The following ACSM1 variants were observed in gnomAD, a reference collection of about 807,000 sequenced individuals.
ACSM1 encodes acyl-coenzyme A synthetase ACSM1, mitochondrial.
ACSM1 carries 79 observed loss-of-function variants against 75.8 expected under a neutral mutation model. The ratio of observed to expected loss-of-function variants is 1.04; its 90% CI spans 0.87 to 1.26. ACSM1 has a LOEUF of 1.26. Ranked by LOEUF, ACSM1 falls within the 50% of genes most tolerant of loss-of-function variation. The pLI is 0.00. For synonymous variants in ACSM1, 279 were observed against 265.8 expected, an observed-to-expected ratio of 1.05 and a Z score of -0.48; for missense variants, 676 against 720.1, an observed-to-expected ratio of 0.94 and a Z score of 0.70.
chr16:20,662,177 G>A (rs928718976), intron 6 of ACSM1, among the ~76,000 whole-genome samples: 4 of 152,144 alleles, frequency 2.6e-5, no homozygotes, highest in Non-Finnish European at 4.4e-5. Flanking sequence ...AAGTACAAAA[G>A]TTCTGTAGGA....
Position 20,623,529 on chromosome 16 carries a change from A to G in ACSM1, c.1691T>C (p.Ile564Thr), listed in dbSNP as rs142695037. The G allele has an allele frequency of 4.2e-5, 67 of 1,614,026 alleles. No individual in the cohort carries two copies. In the African/African-American group the frequency reaches 4.9e-4, roughly 12 times the overall value. ...CTTTTTCCGAAGTTCCTTCCGTTCA[A>G]TCTTGCCAGTGATGGTTTTTGGCAG... Reference protein sequence around the residue: ...SELPKTITGKIERKELRKKET... With the variant: ...SELPKTITGKTERKELRKKET... Residue 564 changes from isoleucine to threonine, a missense_variant, in exon 14 of 14, where the codon ATT (isoleucine) becomes ACT (threonine). Coordinates refer to ENST00000520010, the MANE Select transcript of ACSM1 (RefSeq NM_001318890.3).
chr16:20,625,667 G>T, intron 11 of ACSM1, 145 bp from the exon 12 acceptor site: 1 of 662,488 alleles, frequency 1.5e-6, no homozygotes, highest in Non-Finnish European at 2.6e-6. Flanking sequence ...TGTGTCATGG[G>T]CCCAAAGTGT....
intron 3 of ACSM1, among the ~76,000 whole-genome samples, chr16:20,683,042 C>G (rs2079478203): frequency 6.6e-6 from 1 of 152,168 alleles, no homozygotes. Context: ...CTTCCTGCTA[C>G]CCATCTTCCA....
chr16:20,696,216 T>C (rs565218838), intron 1 of ACSM1, among the ~76,000 whole-genome samples: 2 of 152,344 alleles, frequency 1.3e-5, no homozygotes, highest in African/African-American at 4.8e-5. Flanking sequence ...TAACAATGCA[T>C]TTCTCAGACG....
chr16:20,662,198 G>A lies in ACSM1; in HGVS notation c.913-325C>T, dbSNP rs567200678. On this transcript the variant is annotated intron_variant, in intron 6 of 13. Coordinates refer to ENST00000520010, the MANE Select transcript of ACSM1 (RefSeq NM_001318890.3). ...AAAAGTTCTGTAGGAACACAGGAGA[G>A]GGAAATACTCTTTCTAGTTGTGTGT... is the stretch of plus-strand genomic sequence containing the variant. Among the ~76,000 whole-genome samples the A allele has an allele frequency of 4.6e-5, 7 of 152,264 alleles. No homozygotes were observed. The East Asian group carries it at 9.6e-4, about 21-fold the overall frequency.
chr16:20,624,032 C>A, intron 13 of ACSM1, 64 bp downstream of exon 13: 1 of 1,592,850 alleles, frequency 6.3e-7, no homozygotes, highest in Non-Finnish European at 8.6e-7. Context: ...TCCAGTGATA[C>A]CTAGCCCGTC....
intron 10 of ACSM1, among the ~76,000 whole-genome samples, chr16:20,629,371 T>G (rs2017197423): frequency 6.6e-6 from 1 of 152,112 alleles, no homozygotes; most frequent in East Asian, 1.9e-4. Context: ...CAAATTAGAT[T>G]GTTACAACCT....
At chr16:20,631,518 G>A (rs566984839) in intron 10 of ACSM1, among the ~76,000 whole-genome samples, 21 of 152,200 alleles carry the variant, frequency 1.4e-4, no homozygotes, top group African/African-American at 3.6e-4. Flanking sequence ...CCACTACTGC[G>A]TATCTACCCA....
At chr16:20,628,931 T>C (rs2017170333) in intron 10 of ACSM1, among the ~76,000 whole-genome samples, 1 of 152,192 alleles carries the variant, frequency 6.6e-6, no homozygotes, top group African/African-American at 2.4e-5. Context: ...GCAATAGCTC[T>C]TGTGGAACAT....
intron 6 of ACSM1, among the ~76,000 whole-genome samples, chr16:20,664,211 G>C (rs979376252): frequency 1.3e-5 from 2 of 148,154 alleles, no homozygotes; most frequent in Non-Finnish European, 3.0e-5. Flanking sequence ...GGCAGAGTGG[G>C]AAGATGGATA....
At position 20,661,789 on chromosome 16, in the gene ACSM1, C is replaced by G; in HGVS notation, c.992+5G>C. On this transcript the variant is annotated splice_donor_5th_base_variant and intron_variant, in intron 7 of 13. Transcript: ENST00000520010. Reference sequence around the variant, plus strand: ...AGATGTTGTTACAAGCCACTTCTACCATACCTGGTGAAATCCTGCTGCAGA... The same window carrying G: ...AGATGTTGTTACAAGCCACTTCTACGATACCTGGTGAAATCCTGCTGCAGA... 4 of 1,604,268 alleles carry G rather than the reference C, an allele frequency of 2.5e-6. No homozygotes were observed. The highest frequency in any genetic ancestry group is 3.4e-6 in the Non-Finnish European group (4 of 1,172,514).
At chr16:20,690,162 T>C (rs930326720) in intron 2 of ACSM1, among the ~76,000 whole-genome samples, 4 of 152,210 alleles carry the variant, frequency 2.6e-5, no homozygotes, top group Non-Finnish European at 5.9e-5. Flanking sequence ...TAGTAATACA[T>C]GAATACATAT....
intron 2 of ACSM1, 88 bp downstream of exon 2, chr16:20,690,909 G>T: frequency 7.7e-7 from 1 of 1,291,010 alleles, no homozygotes; most frequent in Non-Finnish European, 1.1e-6. Context: ...AAGTAACTTT[G>T]GTTCCATACC....
At chr16:20,627,869 C>CATACATATATACATATAT (rs1449856164) in intron 10 of ACSM1, among the ~76,000 whole-genome samples, 4 of 77,550 alleles carry the variant, frequency 5.2e-5, no homozygotes, top group Admixed American at 1.8e-4. Flanking sequence ...TGTATGTATA[C>CATACATATATACATATAT]ATATATATAT....
chr16:20,685,192 C>A lies in ACSM1; in HGVS notation c.403+1G>T. On this transcript the variant is annotated splice_donor_variant, in intron 3 of 13. Coordinates refer to ENST00000520010, the MANE Select transcript of ACSM1 (RefSeq NM_001318890.3). LOFTEE classifies it high-confidence loss of function. The stretch of plus-strand genomic sequence containing the variant: ...CACCAGGTCCCTCTTGCATCACTGA[C>A]CTGTTCGCATGCAGCCCACAGCCAC... 6.2e-7 allele frequency: 1 copy of A among 1,614,166 alleles called. No homozygotes were observed. Among genetic ancestry groups the A allele is most frequent in the South Asian group, 1.1e-5 (1 of 91,076 alleles).
intron 12 of ACSM1, 125 bp from the exon 13 acceptor site, chr16:20,624,340 A>G: frequency 8.5e-7 from 1 of 1,180,082 alleles, no homozygotes. Flanking sequence ...GGAAAAGGAG[A>G]GGACCAGGTG....
chr16:20,631,940 A>C (rs980345154), intron 10 of ACSM1, among the ~76,000 whole-genome samples: 1 of 152,228 alleles, frequency 6.6e-6, no homozygotes, highest in Non-Finnish European at 1.5e-5. Flanking sequence ...AGAAATCACC[A>C]CTAAAGAACT....
intron 6 of ACSM1, among the ~76,000 whole-genome samples, chr16:20,666,841 G>A (rs1297534332): frequency 2.6e-5 from 4 of 152,132 alleles, no homozygotes; most frequent in Non-Finnish European, 5.9e-5. Context: ...AATAAGCAAT[G>A]GAGAAAGGAC....
intron 5 of ACSM1, among the ~76,000 whole-genome samples, chr16:20,670,913 A>G (rs904647642): frequency 6.6e-6 from 1 of 152,230 alleles, no homozygotes; most frequent in South Asian, 2.1e-4. Context: ...ATTAAAAAAT[A>G]TAAAGAATTT....
Sources: allele counts gnomAD v4.1 joint callset (sites outside exome capture counted in the v4.1 genomes callset), GRCh38; gene constraint gnomAD v4.1.1; transcripts MANE v1.5; gene names NCBI Gene and HGNC (gene_info 2026-07-23, HGNC 2026-07-21).